The following TSHZ2 variants were observed in gnomAD, a reference collection of about 807,000 sequenced individuals.
TSHZ2 encodes the protein teashirt zinc finger homeobox 2, also known as teashirt homolog 2.
A neutral mutation model predicts 74.4 loss-of-function variants in TSHZ2; 21 were observed. The observed-to-expected ratio is 0.28, with a 90% CI of 0.20 to 0.41. The LOEUF is 0.41. TSHZ2 is among the 10% of genes least tolerant of loss of function. TSHZ2 has a pLI of 1.00. For missense variants in TSHZ2, 1,244 were observed against 1,293.5 expected (o/e 0.96, Z 0.59); for synonymous variants, 540 against 515.3 (o/e 1.05, Z -0.65).
intron 2 of TSHZ2, among the ~76,000 whole-genome samples, chr20:53,439,018 G>T (rs1448950500): frequency 6.6e-6 from 1 of 152,128 alleles, no homozygotes; most frequent in Non-Finnish European, 1.5e-5. Context: ...ATTTATGGCA[G>T]TTATACAGTT....
At chr20:53,353,591 A>G (rs1299989823) in intron 2 of TSHZ2, among the ~76,000 whole-genome samples, 2 of 152,228 alleles carry the variant, frequency 1.3e-5, no homozygotes, top group African/African-American at 2.4e-5. Context: ...TTGTATATTT[A>G]GGTTGTTTCC....
intron 2 of TSHZ2, among the ~76,000 whole-genome samples, chr20:53,319,149 A>G (rs1979147949): frequency 6.6e-6 from 1 of 152,170 alleles, no homozygotes; most frequent in South Asian, 2.1e-4. Context: ...ACACGGCCAA[A>G]CCATATCATA....
intron 2 of TSHZ2, among the ~76,000 whole-genome samples, chr20:53,371,713 T>C (rs1040853588): frequency 3.3e-5 from 5 of 151,816 alleles, no homozygotes; most frequent in Non-Finnish European, 7.4e-5. Flanking sequence ...CCATCTCTAC[T>C]AAAAATATAA....
chr20:53,461,076 G>A (rs1159838033), intron 2 of TSHZ2, among the ~76,000 whole-genome samples: 1 of 151,922 alleles, frequency 6.6e-6, no homozygotes, highest in African/African-American at 2.4e-5. Flanking sequence ...CACCCAGTTC[G>A]AGCTTCCCGG....
intron 1 of TSHZ2, among the ~76,000 whole-genome samples, chr20:53,071,752 C>A (rs1197866675): frequency 6.6e-6 from 1 of 152,128 alleles, no homozygotes; most frequent in African/African-American, 2.4e-5. Context: ...TTTTTCCTCT[C>A]CCCTGCATCC....
chr20:53,337,777 G>T (rs557126205), intron 2 of TSHZ2, among the ~76,000 whole-genome samples: 1 of 152,206 alleles, frequency 6.6e-6, no homozygotes, highest in Non-Finnish European at 1.5e-5. Flanking sequence ...GTAGAGTAGG[G>T]CTATAAAATG....
At chr20:53,333,890 A>T (rs547778665) in intron 2 of TSHZ2, among the ~76,000 whole-genome samples, 1 of 152,350 alleles carries the variant, frequency 6.6e-6, no homozygotes, top group Non-Finnish European at 1.5e-5. Flanking sequence ...AAAAGCCTGC[A>T]TCTCAAGGGC....
intron 1 of TSHZ2, among the ~76,000 whole-genome samples, chr20:53,111,812 C>T (rs569292222): frequency 6.6e-6 from 1 of 152,154 alleles, no homozygotes; most frequent in Admixed American, 6.5e-5. Flanking sequence ...CTCAGGCCCC[C>T]ACCTTAACTC....
At chr20:53,308,839 G>A (rs1245266070) in intron 2 of TSHZ2, among the ~76,000 whole-genome samples, 1 of 152,178 alleles carries the variant, frequency 6.6e-6, no homozygotes, top group Non-Finnish European at 1.5e-5. Flanking sequence ...AGCATTGTCG[G>A]GCAAGGTTAA....
chr20:53,440,981 A>G (rs1260931216), intron 2 of TSHZ2, among the ~76,000 whole-genome samples: 1 of 152,136 alleles, frequency 6.6e-6, no homozygotes, highest in African/African-American at 2.4e-5. Context: ...AACAAATACA[A>G]CAAATACATG....
At chr20:53,017,928 C>A (rs1983100368) in intron 1 of TSHZ2, among the ~76,000 whole-genome samples, 3 of 152,156 alleles carry the variant, frequency 2.0e-5, no homozygotes. Context: ...TTTTCGGCTA[C>A]TGATCCAAAT....
intron 2 of TSHZ2, among the ~76,000 whole-genome samples, chr20:53,473,014 G>A (rs1285911684): frequency 7.9e-5 from 12 of 151,582 alleles, no homozygotes; most frequent in African/African-American, 1.2e-4. Flanking sequence ...CTACGCCCAC[G>A]GAGTCTCGCT....
rs149043084 is a variant in TSHZ2 at position 53,275,862 on chromosome 20, G to A, written c.*8+19291G>A. 2.2e-4 allele frequency among the ~76,000 whole-genome samples: 33 copies of A among 152,294 alleles called. 2 individuals carry two copies. In the East Asian group the frequency reaches 6.0e-3, roughly 28 times the overall value. ...GAATCGCTTGAACCAGGAAGGTGGA[G>A]GTTGTGGTGAGCCGAGATCGCACCA... is the stretch of plus-strand genomic sequence containing the variant. On this transcript the variant is annotated intron_variant, in intron 2 of 2. Coordinates refer to ENST00000371497, the MANE Select transcript of TSHZ2 (RefSeq NM_173485.6).
intron 1 of TSHZ2, among the ~76,000 whole-genome samples, chr20:53,007,872 A>T (rs937608736): frequency 7.9e-5 from 12 of 152,132 alleles, no homozygotes; most frequent in Admixed American, 2.0e-4. Context: ...AAAATAATTT[A>T]AAAAATAATA....
chr20:53,130,630 A>T (rs1040314009), intron 1 of TSHZ2, among the ~76,000 whole-genome samples: 13 of 152,128 alleles, frequency 8.5e-5, no homozygotes, highest in African/African-American at 1.2e-4. Flanking sequence ...TATCTCAAAA[A>T]ATATATATAT....
chr20:53,013,696 G>A (rs901238935), intron 1 of TSHZ2, among the ~76,000 whole-genome samples: 2 of 152,196 alleles, frequency 1.3e-5, no homozygotes, highest in Non-Finnish European at 2.9e-5. Flanking sequence ...CAACACAGTG[G>A]TGATGACTAC....
chr20:53,380,166 A>ATGTG (rs1981808901), intron 2 of TSHZ2, among the ~76,000 whole-genome samples: 1 of 130,264 alleles, frequency 7.7e-6, no homozygotes, highest in Non-Finnish European at 1.6e-5. Context: ...GTGTGTGTGC[A>ATGTG]CACGCATGTG....
intron 2 of TSHZ2, among the ~76,000 whole-genome samples, chr20:53,404,434 T>C (rs747875422): frequency 2.2e-4 from 34 of 152,250 alleles, no homozygotes; most frequent in Non-Finnish European, 4.7e-4. Flanking sequence ...TTTTCCTGAA[T>C]ACCCATTCCT....
chr20:53,478,974 G>C (rs962137793), intron 2 of TSHZ2, among the ~76,000 whole-genome samples: 19 of 152,078 alleles, frequency 1.2e-4, no homozygotes, highest in African/African-American at 4.6e-4. Context: ...AGACCAGTCT[G>C]GTCAACATGG....
Sources: gnomAD v4.1 joint callset for allele counts (sites outside exome capture counted in the v4.1 genomes callset) on GRCh38, gnomAD v4.1.1 for gene constraint, MANE v1.5 for transcripts, NCBI Gene and HGNC (gene_info 2026-07-23, HGNC 2026-07-21) for gene names.